ULK2: variants seen among roughly 807,000 people sequenced by gnomAD.
ULK2 encodes unc-51 like autophagy activating kinase 2.
In ULK2, 76 loss-of-function variants were observed where a neutral mutation model predicts 127.5. The observed-to-expected ratio is 0.60, with a 90% CI of 0.50 to 0.72. ULK2 has a LOEUF of 0.72. Among genes scored for constraint, ULK2 ranks in the 30% least tolerant of loss-of-function variants. ULK2 has a pLI of 0.00. For missense variants in ULK2, 1,144 were observed against 1,295.9 expected (o/e 0.88, Z 1.80); for synonymous variants, 452 against 461.9 (o/e 0.98, Z 0.28).
chr17:19,817,810 C>T (rs1315538136), intron 12 of ULK2, among the ~76,000 whole-genome samples: 1 of 152,284 alleles, frequency 6.6e-6, no homozygotes, highest in Admixed American at 6.5e-5. Context: ...TGGTTCACTG[C>T]TGCTGCTCCT....
At chr17:19,848,039 T>A (rs1374425044) in intron 5 of ULK2, among the ~76,000 whole-genome samples, 1 of 152,108 alleles carries the variant, frequency 6.6e-6, no homozygotes, top group East Asian at 1.9e-4. Flanking sequence ...ACATGATGAT[T>A]AAATAAAACC....
chr17:19,858,236 CA>C (rs1038201809), intron 3 of ULK2, among the ~76,000 whole-genome samples: 7 of 151,790 alleles, frequency 4.6e-5, no homozygotes, highest in Admixed American at 2.6e-4. Context: ...TCCATCTCTA[CA>C]AAAAATAGAA....
chr17:19,833,035 A>G (rs2152394748), intron 10 of ULK2, among the ~76,000 whole-genome samples: 1 of 148,740 alleles, frequency 6.7e-6, no homozygotes, highest in South Asian at 2.2e-4. Flanking sequence ...AGGCAGGAGA[A>G]TTGTTTGAAC....
chr17:19,849,542 T>G (rs1463694477), intron 4 of ULK2, 137 bp from the exon 5 acceptor site: 1 of 1,001,098 alleles, frequency 1.0e-6, no homozygotes, highest in African/African-American at 1.7e-5. Context: ...AGATTCAAAA[T>G]TTTTTAAATT....
intron 17 of ULK2, 26 bp downstream of exon 17, chr17:19,799,469 T>A: frequency 6.7e-7 from 1 of 1,500,814 alleles, no homozygotes; most frequent in African/African-American, 1.4e-5. Context: ...ATTCAAATTA[T>A]TAATAAACCA....
intron 21 of ULK2, among the ~76,000 whole-genome samples, chr17:19,784,668 C>T (rs1184336013): frequency 2.0e-5 from 3 of 151,644 alleles, no homozygotes; most frequent in Admixed American, 6.6e-5. Context: ...GGACTATAGG[C>T]GTATGCCACC....
At chr17:19,803,500 G>A (rs1351917427) in intron 15 of ULK2, among the ~76,000 whole-genome samples, 1 of 152,132 alleles carries the variant, frequency 6.6e-6, no homozygotes, top group Non-Finnish European at 1.5e-5. Flanking sequence ...AGCAAATAAC[G>A]TCTAATTTTT....
At position 19,781,892 on chromosome 17, in the gene ULK2, C is replaced by G. The variant is rs368011354; in HGVS notation, c.2636G>C (p.Trp879Ser). The G allele has an allele frequency of 1.2e-6, 2 of 1,612,296 alleles. No homozygotes were observed. The highest frequency in any genetic ancestry group is 1.7e-6 in the Non-Finnish European group (2 of 1,179,248). Residue 879 changes from tryptophan to serine, a missense_variant, in exon 23 of 27, where the codon TGG becomes TCG. Trp to Ser is a radical substitution (Grantham distance 177). Coordinates refer to ENST00000395544, the MANE Select transcript of ULK2 (RefSeq NM_014683.4). ...TGAATGACAAGGGGGCACCCACCCCCAGTCTTTGCTCAGCTGACTGATCTG... is the reference window on the plus strand; with the variant it reads ...TGAATGACAAGGGGGCACCCACCCCGAGTCTTTGCTCAGCTGACTGATCTG... ...VDQISQLSKD[W>S]GRVEQLVLYM...
At chr17:19,853,622 A>G (rs1193030433) in intron 3 of ULK2, among the ~76,000 whole-genome samples, 1 of 150,738 alleles carries the variant, frequency 6.6e-6, no homozygotes, top group Non-Finnish European at 1.5e-5. Flanking sequence ...CCCAGGCTGG[A>G]GTGCAGTGGC....
At chr17:19,810,808 T>C (rs2087622144) in intron 13 of ULK2, 1 of 169,238 alleles carries the variant, frequency 5.9e-6, no homozygotes, top group South Asian at 1.8e-4. Context: ...TTAATACTAT[T>C]TGCACATAAC....
Position 19,796,401 on chromosome 17 carries a change from G to C in ULK2, c.1810-119C>G, listed in dbSNP as rs866997688. 1.4e-5 allele frequency: 13 copies of C among 958,210 alleles called. 1 individual carries two copies. Among genetic ancestry groups the C allele is most frequent in the Middle Eastern group, 7.2e-4 (2 of 2,772 alleles). 59.4% of individuals were successfully genotyped at this position (958,210 alleles called of 1,614,324 possible). On this transcript the variant is annotated intron_variant, in intron 18 of 26. Coordinates refer to ENST00000395544, the MANE Select transcript of ULK2 (RefSeq NM_014683.4). ...GAGCATGTAGGAGATAGGTCGGGTG[G>C]TGGGAAAAATTGTAGAAAGATGCAA...
chr17:19,843,586 T>A (rs571218231), intron 7 of ULK2, among the ~76,000 whole-genome samples: 80 of 151,126 alleles, frequency 5.3e-4, no homozygotes, highest in Non-Finnish European at 9.9e-4. Context: ...CTCAGGTGTG[T>A]GAGAGGAGCA....
chr17:19,846,655 A>G, intron 6 of ULK2, 82 bp downstream of exon 6: 1 of 1,415,236 alleles, frequency 7.1e-7, no homozygotes. Flanking sequence ...AAAAAAAAAA[A>G]TCCATCATTC....
chr17:19,859,224 C>G (rs2042192874), intron 3 of ULK2, among the ~76,000 whole-genome samples: 1 of 151,814 alleles, frequency 6.6e-6, no homozygotes, highest in Non-Finnish European at 1.5e-5. Flanking sequence ...TTAAAAAGAA[C>G]TAGTATAGGC....
At chr17:19,828,929 A>C (rs999163046) in intron 10 of ULK2, among the ~76,000 whole-genome samples, 2 of 152,176 alleles carry the variant, frequency 1.3e-5, no homozygotes, top group Non-Finnish European at 2.9e-5. Flanking sequence ...AATACAAAAA[A>C]ATTAGCTAGG....
chr17:19,786,718 A>C (rs1442291980), intron 20 of ULK2, among the ~76,000 whole-genome samples: 1 of 150,844 alleles, frequency 6.6e-6, no homozygotes, highest in Non-Finnish European at 1.5e-5. Flanking sequence ...CGTCTCAAAA[A>C]AAAAAAAAAA....
chr17:19,835,237 C>A (rs1253585726), intron 10 of ULK2, among the ~76,000 whole-genome samples: 1 of 150,804 alleles, frequency 6.6e-6, no homozygotes, highest in Admixed American at 6.6e-5. Context: ...GCAAGCTCCG[C>A]CTCCCAGGTT....
chr17:19,801,653 T>G, intron 16 of ULK2, 124 bp downstream of exon 16: 1 of 1,248,396 alleles, frequency 8.0e-7, no homozygotes, highest in Non-Finnish European at 1.1e-6. Context: ...AGGGACGGGG[T>G]ATGGCCTCCA....
chr17:19,811,326 G>A (rs1213576520), intron 13 of ULK2: 2 of 151,862 alleles, frequency 1.3e-5, no homozygotes, highest in African/African-American at 4.8e-5. Context: ...ATTTTCAAAC[G>A]AAATTAAATC....
Sources: allele counts gnomAD v4.1 joint callset (sites outside exome capture counted in the v4.1 genomes callset), GRCh38; gene constraint gnomAD v4.1.1; transcripts MANE v1.5; gene names NCBI Gene and HGNC (gene_info 2026-07-23, HGNC 2026-07-21).